SLC35D4: variants seen among roughly 807,000 people sequenced by gnomAD.
SLC35D4 encodes solute carrier family 35 member D4.
chr18:23,262,915 T>C, the SLC35D4 span, among the ~76,000 whole-genome samples: 1,468 of 152,232 alleles, frequency 9.6e-3, 24 homozygotes, highest in African/African-American at 0.034. Context: ...AACAGGCTAG[T>C]GAGAAACCAG....
the SLC35D4 span, among the ~76,000 whole-genome samples, chr18:23,391,744 T>C: frequency 6.6e-6 from 1 of 152,266 alleles, no homozygotes; most frequent in Admixed American, 6.5e-5. Context: ...TGTCTCAGCC[T>C]CCTAAAGTCT....
chr18:23,379,784 T>G, the SLC35D4 span, among the ~76,000 whole-genome samples: 2 of 152,116 alleles, frequency 1.3e-5, no homozygotes, highest in Admixed American at 6.5e-5. Flanking sequence ...AATGGGTTAT[T>G]ATAACTCCTC....
the SLC35D4 span, among the ~76,000 whole-genome samples, chr18:23,394,297 C>A: frequency 6.6e-6 from 1 of 152,158 alleles, no homozygotes; most frequent in Non-Finnish European, 1.5e-5. Flanking sequence ...TTGCATTTTT[C>A]TAATGATTAA....
chr18:23,378,185 CTCTTTCTT>C, the SLC35D4 span, among the ~76,000 whole-genome samples: 1 of 151,360 alleles, frequency 6.6e-6, no homozygotes, highest in Non-Finnish European at 1.5e-5. Context: ...TGTATGGCTA[CTCTTTCTT>C]TCTTTCTTTT....
the SLC35D4 span, among the ~76,000 whole-genome samples, chr18:23,371,939 T>TTTTG: frequency 8.9e-5 from 2 of 22,436 alleles, 1 homozygote; most frequent in African/African-American, 2.3e-4. Flanking sequence ...TTTTTTGTTT[T>TTTTG]TTTTTTTTTT....
the SLC35D4 span, among the ~76,000 whole-genome samples, chr18:23,318,744 T>C: frequency 6.6e-6 from 1 of 152,358 alleles, no homozygotes; most frequent in Admixed American, 6.5e-5. Context: ...TGATATGATA[T>C]GTGATTCAGT....
chr18:23,243,468 G>GTTTTTTTTTTTTTTTTTTTTT, the SLC35D4 span, among the ~76,000 whole-genome samples: 2 of 101,878 alleles, frequency 2.0e-5, no homozygotes, highest in African/African-American at 3.6e-5. Flanking sequence ...TGGGTTTGGT[G>GTTTTTTTTTTTTTTTTTTTTT]TTTTTTTTTT....
At chr18:23,364,581 G>C in the SLC35D4 span, among the ~76,000 whole-genome samples, 6 of 152,148 alleles carry the variant, frequency 3.9e-5, no homozygotes, top group Non-Finnish European at 8.8e-5. Context: ...AGCAACAACA[G>C]AGTAATTGAG....
the SLC35D4 span, among the ~76,000 whole-genome samples, chr18:23,417,038 T>TA: frequency 6.6e-6 from 1 of 152,080 alleles, no homozygotes; most frequent in South Asian, 2.1e-4. Context: ...GGTCAGGAGT[T>TA]AGAGACCAGC....
chr18:23,383,133 G>A, the SLC35D4 span, among the ~76,000 whole-genome samples: 1 of 152,132 alleles, frequency 6.6e-6, no homozygotes, highest in Non-Finnish European at 1.5e-5. Flanking sequence ...CCATAGGACA[G>A]CAAGCCCCAG....
At chr18:23,356,682 G>C in the SLC35D4 span, 1 of 1,613,250 alleles carries the variant, frequency 6.2e-7, no homozygotes, top group East Asian at 2.2e-5. The surrounding 1 kb of genome is among the most constrained non-coding windows in gnomAD (Gnocchi z 4.1). Flanking sequence ...AACAGCAATG[G>C]TGAAACAGTG....
the SLC35D4 span, among the ~76,000 whole-genome samples, chr18:23,263,983 C>T: frequency 1.3e-5 from 2 of 152,242 alleles, no homozygotes; most frequent in African/African-American, 4.8e-5. Context: ...TGGATTCCAT[C>T]ACCATGAACT....
the SLC35D4 span, among the ~76,000 whole-genome samples, chr18:23,250,752 GA>G: frequency 6.6e-6 from 1 of 152,222 alleles, no homozygotes; most frequent in Non-Finnish European, 1.5e-5. Context: ...GATTGGGCCA[GA>G]AAGACTATGT....
At chr18:23,280,692 G>A in the SLC35D4 span, among the ~76,000 whole-genome samples, 1 of 152,060 alleles carries the variant, frequency 6.6e-6, no homozygotes, top group Non-Finnish European at 1.5e-5. Context: ...AATGGAACCC[G>A]GACCCTTTAT....
At chr18:23,332,446 T>G in the SLC35D4 span, among the ~76,000 whole-genome samples, 1 of 149,620 alleles carries the variant, frequency 6.7e-6, no homozygotes, top group Non-Finnish European at 1.5e-5. Flanking sequence ...GCTTTGGTAC[T>G]TCTAAAGCAT....
At chr18:23,328,529 A>G in the SLC35D4 span, among the ~76,000 whole-genome samples, 79 of 152,342 alleles carry the variant, frequency 5.2e-4, no homozygotes, top group Non-Finnish European at 9.3e-4. Flanking sequence ...GGAGAACTAC[A>G]TACCACTGCT....
the SLC35D4 span, among the ~76,000 whole-genome samples, chr18:23,364,498 A>G: frequency 6.6e-6 from 1 of 152,212 alleles, no homozygotes; most frequent in Non-Finnish European, 1.5e-5. Flanking sequence ...ATCTTTTGGC[A>G]TCAATTTCAA....
At chr18:23,294,535 GA>G in the SLC35D4 span, among the ~76,000 whole-genome samples, 134 of 152,300 alleles carry the variant, frequency 8.8e-4, no homozygotes, top group African/African-American at 3.0e-3. Flanking sequence ...GTCAATGTAA[GA>G]AAAGATCTGA....
the SLC35D4 span, among the ~76,000 whole-genome samples, chr18:23,276,156 C>T: frequency 6.5e-3 from 981 of 151,794 alleles, 16 homozygotes; most frequent in African/African-American, 0.023. Flanking sequence ...GGCGCAATCT[C>T]GGCTCACTGC....
Sources: gnomAD v4.1 joint callset for allele counts (sites outside exome capture counted in the v4.1 genomes callset) on GRCh38, gnomAD v4.1.1 for gene constraint, Gnocchi (gnomAD v3.1) non-coding constraint, MANE v1.5 for transcripts, NCBI Gene and HGNC (gene_info 2026-07-23, HGNC 2026-07-21) for gene names.